The following SFTPB variants were observed in gnomAD, a reference collection of about 807,000 sequenced individuals.
The protein encoded by SFTPB is surfactant protein B.
SFTPB carries 32 observed loss-of-function variants against 51.0 expected under a neutral mutation model. The observed-to-expected ratio is 0.63, with a 90% CI of 0.47 to 0.84. SFTPB has a LOEUF of 0.84. Ranked by LOEUF, SFTPB falls within the 40% of genes least tolerant of loss-of-function variation. The pLI, the probability that SFTPB is intolerant of heterozygous loss-of-function variation, is 0.00. For synonymous variants in SFTPB, 211 were observed against 208.5 expected (o/e 1.01, Z -0.10); for missense variants, 431 against 491.2 (o/e 0.88, Z 1.16).
At chr2:85,662,944 G>A (rs963870463) in intron 8 of SFTPB, among the ~76,000 whole-genome samples, 1 of 152,056 alleles carries the variant, frequency 6.6e-6, no homozygotes, top group African/African-American at 2.4e-5. Context: ...TTGCCAATGG[G>A]TTTGTCCTGA....
intron 2 of SFTPB, 142 bp downstream of exon 2, chr2:85,667,537 T>G: frequency 9.1e-7 from 1 of 1,093,170 alleles, no homozygotes. Flanking sequence ...CCCATTCCAT[T>G]TTATCCTATC....
chr2:85,667,898 G>A, intron 1 of SFTPB, 92 bp from the exon 2 acceptor site: 1 of 1,564,054 alleles, frequency 6.4e-7, no homozygotes, highest in South Asian at 1.1e-5. Flanking sequence ...AGTTTTGCTG[G>A]GAGTGTGAGG....
chr2:85,663,355 G>A lies in SFTPB; in HGVS notation c.993C>T (p.Asp331=). 6.2e-7 allele frequency: 1 copy of A among 1,612,228 alleles called. No homozygotes were observed. The highest frequency in any genetic ancestry group is 8.5e-7 in the Non-Finnish European group (1 of 1,180,026). ...TGTGCCCAGCCCATACCTTTTCCCT[G>A]TCCAGCCAGGAGCCAACACAGGCCT... ...MLQACVGSWL[D]REKCKQFVEQ... is the part of the protein sequence containing the mutation. Residue 331 remains aspartate (D), a synonymous_variant, in exon 8 of 11, where the codon GAC becomes GAT. Coordinates refer to ENST00000519937, the MANE Select transcript of SFTPB (RefSeq NM_000542.5).
intron 10 of SFTPB, 76 bp downstream of exon 10, chr2:85,661,378 G>A (rs1677280528): frequency 9.7e-7 from 1 of 1,031,654 alleles, no homozygotes; most frequent in Admixed American, 2.0e-5. Flanking sequence ...CCTGCTTGGG[G>A]AGCAGAAGGG....
At chr2:85,666,314 C>T (rs1293696655) in intron 4 of SFTPB, among the ~76,000 whole-genome samples, 8 of 114,840 alleles carry the variant, frequency 7.0e-5, no homozygotes, top group South Asian at 2.9e-4. Context: ...TGTGTGTTTC[C>T]AGCTGGCTGG....
intron 6 of SFTPB, among the ~76,000 whole-genome samples, chr2:85,665,011 G>A (rs946114392): frequency 3.3e-5 from 5 of 152,200 alleles, no homozygotes; most frequent in African/African-American, 7.2e-5. Flanking sequence ...ACAAAGCTGC[G>A]TCTTGTCCGT....
At position 85,663,529 on chromosome 2, in the gene SFTPB, C is replaced by T. The variant is rs368966851; in HGVS notation, c.857-38G>A. ...GCATTAGGGGGAAAGCAGGCAAGGC[C>T]ACCCTACAGAGGTGTTTGGTTTCTG... is the stretch of plus-strand genomic sequence containing the variant. On this transcript the variant is annotated intron_variant, in intron 7 of 10. Transcript: ENST00000519937. The T allele has an allele frequency of 1.9e-6, 3 of 1,611,342 alleles. No homozygotes were observed. The Admixed American group carries it at 5.0e-5, about 27-fold the overall frequency.
intron 10 of SFTPB, 194 bp downstream of exon 10, chr2:85,661,259 TC>T (rs1216950257): frequency 5.9e-5 from 29 of 492,928 alleles, no homozygotes; most frequent in Non-Finnish European, 1.1e-4. Context: ...GGGGCAGTGC[TC>T]GGGGTCCGGA....
At chr2:85,663,315 G>A in intron 8 of SFTPB, 31 bp downstream of exon 8, 1 of 1,606,008 alleles carries the variant, frequency 6.2e-7, no homozygotes, top group Non-Finnish European at 8.5e-7. Context: ...AACGGGCCCT[G>A]ACCATGAGTC....
intron 9 of SFTPB, among the ~76,000 whole-genome samples, 179 bp downstream of exon 9, chr2:85,661,850 T>C (rs1048672104): frequency 6.6e-6 from 1 of 152,084 alleles, no homozygotes; most frequent in African/African-American, 2.4e-5. Context: ...ATCCCCCTTT[T>C]CCATGCTCTC....
Position 85,661,466 on chromosome 2 carries a change from G to A in SFTPB, c.*7C>T. 6.2e-7 allele frequency: 1 copy of A among 1,609,880 alleles called. No homozygotes were observed. Among genetic ancestry groups the A allele is most frequent in the Non-Finnish European group, 8.5e-7 (1 of 1,178,086 alleles). ...GGCCTGGACTCACCTGGACAGCTGA[G>A]TTCTCATCAAAGGTCGGGGCTGTGG... On this transcript the variant is annotated 3_prime_UTR_variant, in exon 10 of 11. Transcript: ENST00000519937.
chr2:85,665,452 TTCCTCCCTTTCTCTCCC>T lies in SFTPB; in HGVS notation c.583-91_583-75del, dbSNP rs907782772. 9.0e-6 allele frequency: 13 copies of T among 1,443,736 alleles called. No individual in the cohort carries two copies. In the African/African-American group the frequency reaches 1.7e-4, roughly 19 times the overall value. 89.4% of individuals were successfully genotyped at this position (1,443,736 alleles called of 1,614,324 possible). A position where few individuals can be genotyped will look rare whatever the true frequency, so the allele number is the denominator to read the frequency against. On this transcript the variant is annotated intron_variant, in intron 5 of 10. Coordinates refer to ENST00000519937, the MANE Select transcript of SFTPB (RefSeq NM_000542.5). ...CCTCCAGGCTCTCCTCCCCTCTCTC[TTCCTCCCTTTCTCTCCC>T]TCCTCCCTTAGGCCCTGCCTGGAGC...
chr2:85,660,322 A>G (rs1169207858), intron 10 of SFTPB, among the ~76,000 whole-genome samples: 1 of 119,518 alleles, frequency 8.4e-6, no homozygotes, highest in African/African-American at 3.4e-5. Context: ...TTTAGTAGAT[A>G]CGGGGTTTCA....
intron 6 of SFTPB, among the ~76,000 whole-genome samples, chr2:85,665,061 G>A (rs1171349178): frequency 6.6e-6 from 1 of 152,198 alleles, no homozygotes; most frequent in African/African-American, 2.4e-5. Context: ...TCCATACAGT[G>A]GGGGCTTAAT....
At position 85,665,749 on chromosome 2, in the gene SFTPB, G is replaced by A; in HGVS notation, c.439C>T (p.Gln147Ter). 6.2e-7 allele frequency: 1 copy of A among 1,614,204 alleles called. No individual in the cohort carries two copies. The highest frequency in any genetic ancestry group is 1.3e-5 in the African/African-American group (1 of 75,060). ...CCTGGCTCCTGCTCTGGCTCTGGCT[G>A]CCGGGATTTGCACAGGCCCAGGTGC... The part of the protein sequence containing the change: ...CMHLGLCKSR[Q>*]PEPEQEPGMS... The change falls in exon 5 of 11, where the codon CAG becomes TAG. Residue 147 changes from glutamine (Q) to a stop codon, truncating the protein, a stop_gained. Coordinates refer to ENST00000519937, the MANE Select transcript of SFTPB (RefSeq NM_000542.5). LOFTEE classifies it high-confidence loss of function.
intron 8 of SFTPB, 115 bp downstream of exon 8, chr2:85,663,231 G>T: frequency 1.4e-6 from 2 of 1,392,890 alleles, no homozygotes; most frequent in Non-Finnish European, 2.0e-6. Flanking sequence ...CTGTCTGCCT[G>T]TCTGTGCTCC....
Position 85,665,771 on chromosome 2 carries a change from G to A in SFTPB, c.417C>T (p.His139=), listed in dbSNP as rs758084893. 5 of 1,614,090 alleles carry A rather than the reference G, an allele frequency of 3.1e-6. No individual in the cohort carries two copies. The highest frequency in any genetic ancestry group is 2.2e-5 in the South Asian group (2 of 91,088). The stretch of plus-strand genomic sequence containing the variant: ...GCTGCCGGGATTTGCACAGGCCCAG[G>A]TGCATACAGATGCCGTTTGAGTCCT... ...NQTDSNGICM[H]LGLCKSRQPE... is the part of the protein sequence containing the mutation. Residue 139 remains histidine (H), a synonymous_variant, in exon 5 of 11, where the codon CAC becomes CAT. Coordinates refer to ENST00000519937, the MANE Select transcript of SFTPB (RefSeq NM_000542.5).
intron 4 of SFTPB, 99 bp downstream of exon 4, chr2:85,666,518 T>C (rs1334135233): frequency 1.7e-5 from 21 of 1,201,580 alleles, no homozygotes; most frequent in Non-Finnish European, 2.5e-5. Context: ...TGTGTGTGTG[T>C]GTGTCTGGCT....
chr2:85,661,926 C>A, intron 9 of SFTPB, 103 bp downstream of exon 9: 1 of 1,176,280 alleles, frequency 8.5e-7, no homozygotes, highest in Non-Finnish European at 1.2e-6. Flanking sequence ...CTGGGACCAC[C>A]TTGGACCCAG....
Sources: gnomAD v4.1 joint callset for allele counts (sites outside exome capture counted in the v4.1 genomes callset) on GRCh38, gnomAD v4.1.1 for gene constraint, MANE v1.5 for transcripts, NCBI Gene and HGNC (gene_info 2026-07-23, HGNC 2026-07-21) for gene names.